SV2C: variants seen among roughly 807,000 people sequenced by gnomAD.
SV2C encodes solute carrier family 22 member B3.
SV2C carries 49 observed loss-of-function variants against 79.7 expected under a neutral mutation model. The ratio of observed to expected loss-of-function variants is 0.61; its 90% confidence interval spans 0.49 to 0.78. The LOEUF (loss-of-function observed/expected upper bound fraction) is 0.78. Among genes scored for constraint, SV2C ranks in the 30% least tolerant of loss-of-function variants. The probability of loss-of-function intolerance (pLI) is 0.00; values close to 1 mark genes in which losing one functional copy is unlikely to be tolerated. For missense variants in SV2C, 833 were observed against 912.9 expected, an observed-to-expected ratio of 0.91 and a Z score of 1.13; for synonymous variants, 334 against 333.2, an observed-to-expected ratio of 1.00 and a Z score of -0.03.
chr5:75,917,642 G>T, the SV2C span, among the ~76,000 whole-genome samples: 1 of 152,174 alleles, frequency 6.6e-6, no homozygotes, highest in African/African-American at 2.4e-5. Context: ...GACATAGAGA[G>T]TTGAAGGATA....
At chr5:76,130,966 G>A (rs1561228895) in intron 1 of SV2C, among the ~76,000 whole-genome samples, 1 of 152,180 alleles carries the variant, frequency 6.6e-6, no homozygotes, top group African/African-American at 2.4e-5. Context: ...CAAGCCATAT[G>A]TTCTAATTCA....
chr5:76,132,186 G>A lies in SV2C; in HGVS notation c.436G>A (p.Gly146Ser), dbSNP rs371722323. 1.3e-4 allele frequency: 206 copies of A among 1,614,132 alleles called. 2 individuals carry two copies. The South Asian group carries it at 1.4e-3, about 11-fold the overall frequency. Residue 146 changes from glycine (G) to serine (S), a missense_variant, in exon 2 of 13, where the codon GGT becomes AGT. Gly to Ser is a moderately conservative substitution (Grantham distance 56). Transcript: ENST00000502798. ...GTATGAGCTGATAATCCAAGAATGCGGTCATGGTCGTTTTCAGTGGGCCCT... is the reference window on the plus strand; with the variant it reads ...GTATGAGCTGATAATCCAAGAATGCAGTCATGGTCGTTTTCAGTGGGCCCT... ...QQYELIIQEC[G>S]HGRFQWALFF...
intron 12 of SV2C, among the ~76,000 whole-genome samples, chr5:76,306,246 G>A (rs527324842): frequency 4.3e-4 from 65 of 152,012 alleles, no homozygotes; most frequent in African/African-American, 1.4e-3. Flanking sequence ...TTAAGAGATG[G>A]GGTCTCACTG....
intron 4 of SV2C, among the ~76,000 whole-genome samples, chr5:76,265,665 A>G (rs754617200): frequency 2.0e-5 from 3 of 152,146 alleles, no homozygotes; most frequent in African/African-American, 4.8e-5. Context: ...AAAGCGTAGT[A>G]TCTGGGCTGG....
At chr5:76,118,719 C>T (rs1000368853) in intron 1 of SV2C, among the ~76,000 whole-genome samples, 5 of 152,296 alleles carry the variant, frequency 3.3e-5, no homozygotes, top group African/African-American at 7.2e-5. Flanking sequence ...CAGTGGCTCA[C>T]GCCTGTAATC....
chr5:76,032,183 G>T, the SV2C span, among the ~76,000 whole-genome samples: 26 of 151,890 alleles, frequency 1.7e-4, no homozygotes, highest in South Asian at 1.7e-3. Flanking sequence ...ATACATGCAA[G>T]AAAATAATAT....
the SV2C span, among the ~76,000 whole-genome samples, chr5:76,024,761 C>G: frequency 2.0e-5 from 3 of 152,058 alleles, no homozygotes; most frequent in Non-Finnish European, 1.5e-5. Context: ...TCCAGTCGGC[C>G]CTGTGGAACT....
chr5:75,991,566 G>GATATATATATATATATATATATACATAT, the SV2C span, among the ~76,000 whole-genome samples: 1 of 140,380 alleles, frequency 7.1e-6, no homozygotes, highest in African/African-American at 2.7e-5. Flanking sequence ...TTCTTAGCAA[G>GATATATATATATATATATATATACATAT]ATATATATAT....
the SV2C span, among the ~76,000 whole-genome samples, chr5:76,059,094 G>T: frequency 1.3e-5 from 2 of 152,038 alleles, no homozygotes; most frequent in Non-Finnish European, 2.9e-5. Flanking sequence ...TTAATTAAAA[G>T]ATATTTTATT....
chr5:76,199,522 A>C (rs1744371083), intron 3 of SV2C, among the ~76,000 whole-genome samples: 1 of 152,176 alleles, frequency 6.6e-6, no homozygotes, highest in Non-Finnish European at 1.5e-5. Flanking sequence ...CAGCACTTAC[A>C]ACTGATGCCT....
At chr5:76,139,248 A>C (rs562381682) in intron 2 of SV2C, among the ~76,000 whole-genome samples, 17 of 152,302 alleles carry the variant, frequency 1.1e-4, no homozygotes, top group South Asian at 6.2e-4. Flanking sequence ...CCCTGACCTA[A>C]AGATTTAGCC....
intron 4 of SV2C, among the ~76,000 whole-genome samples, chr5:76,281,880 C>T (rs1296815059): frequency 6.6e-6 from 1 of 152,202 alleles, no homozygotes; most frequent in South Asian, 2.1e-4. Flanking sequence ...ATAAAATAAT[C>T]TCTTTGTCTC....
At chr5:76,195,960 G>C (rs575022876) in intron 3 of SV2C, among the ~76,000 whole-genome samples, 1 of 152,078 alleles carries the variant, frequency 6.6e-6, no homozygotes, top group Non-Finnish European at 1.5e-5. Flanking sequence ...TAAGAACTTA[G>C]AGACTTTTTT....
chr5:76,150,442 C>G (rs1320283229), intron 2 of SV2C, among the ~76,000 whole-genome samples: 1 of 151,724 alleles, frequency 6.6e-6, no homozygotes, highest in Non-Finnish European at 1.5e-5. Context: ...TCCCAAAATG[C>G]TGGGATTACA....
In SV2C at chr5:76,328,328, C is replaced by T. The variant is rs1385383808; in HGVS notation, c.*2781C>T. On this transcript the variant is annotated 3_prime_UTR_variant, in exon 13 of 13. Coordinates refer to ENST00000502798, the MANE Select transcript of SV2C (RefSeq NM_014979.4). ...TAGTCCACTTGCTCCTATATTTTTA[C>T]CACCTTTTCTAACTAAAATTTCCCT... The T allele has an allele frequency of 6.6e-6, 1 of 152,170 alleles. No individual in the cohort carries two copies. The highest frequency in any genetic ancestry group is 6.5e-5 in the Admixed American group (1 of 15,274). 9.4% of individuals were successfully genotyped at this position (152,170 alleles called of 1,614,324 possible).
chr5:75,945,729 T>C, the SV2C span, among the ~76,000 whole-genome samples: 1 of 152,068 alleles, frequency 6.6e-6, no homozygotes, highest in East Asian at 1.9e-4. Flanking sequence ...ACGAGTATGT[T>C]CTCTAGGCTT....
chr5:76,023,684 GTATA>G, the SV2C span, among the ~76,000 whole-genome samples: 2 of 148,852 alleles, frequency 1.3e-5, no homozygotes, highest in Middle Eastern at 3.5e-3. Flanking sequence ...ATGTGTGTGT[GTATA>G]TATATATATA....
chr5:76,233,753 C>T (rs7718663), intron 4 of SV2C, among the ~76,000 whole-genome samples: 12,323 of 143,752 alleles, frequency 0.086, 1,763 homozygotes, highest in African/African-American at 0.31. Context: ...TATTGATTTG[C>T]GTATATTGAA....
intron 12 of SV2C, among the ~76,000 whole-genome samples, chr5:76,349,820 G>A (rs957866761): frequency 2.0e-5 from 3 of 152,072 alleles, no homozygotes; most frequent in African/African-American, 7.2e-5. Flanking sequence ...ATAGGCAGGA[G>A]CCACCATGCT....
Sources: allele counts gnomAD v4.1 joint callset (sites outside exome capture counted in the v4.1 genomes callset), GRCh38; gene constraint gnomAD v4.1.1; transcripts MANE v1.5; gene names NCBI Gene and HGNC (gene_info 2026-07-23, HGNC 2026-07-21).